MYOM3: variants seen among roughly 807,000 people sequenced by gnomAD.
The protein encoded by MYOM3 is myomesin 3.
In MYOM3, 155 loss-of-function variants were observed where a neutral mutation model predicts 191.7. The ratio of observed to expected loss-of-function variants is 0.81; its 90% CI spans 0.71 to 0.92. MYOM3 has a LOEUF of 0.92. Ranked by LOEUF, MYOM3 falls within the 40% of genes least tolerant of loss-of-function variation. The probability of loss-of-function intolerance (pLI) is 0.00; values close to 1 mark genes in which losing one functional copy is unlikely to be tolerated. For missense variants in MYOM3, 1,889 were observed against 1,890.6 expected (o/e 1.00, Z 0.02); for synonymous variants, 757 against 762.9 (o/e 0.99, Z 0.13).
At chr1:24,083,672 C>T (rs1643701114) in intron 16 of MYOM3, 1 of 152,372 alleles carries the variant, frequency 6.6e-6, no homozygotes. Context: ...AAGCTCTCCA[C>T]TGCTCTGCCC....
rs1358272546 is a variant in MYOM3 at position 24,097,979 on chromosome 1, A to T, written c.689T>A (p.Val230Glu). ...CTGGCCGTGGGCGTTCTTCACTCGCACAGTGTAAGTTGCTGAGTCCTCAAT... is the reference window on the plus strand; with the variant it reads ...CTGGCCGTGGGCGTTCTTCACTCGCTCAGTGTAAGTTGCTGAGTCCTCAAT... Reference protein sequence around the residue: ...CAIEDSATYTVRVKNAHGQAS... With the variant: ...CAIEDSATYTERVKNAHGQAS... The change falls in exon 7 of 37, where the codon GTG becomes GAG. Residue 230 changes from valine to glutamate, a missense_variant. Val to Glu is a moderately radical substitution (Grantham distance 121). Transcript: ENST00000374434. The T allele has an allele frequency of 1.2e-6, 2 of 1,613,932 alleles. No homozygotes were observed. Among genetic ancestry groups the T allele is most frequent in the East Asian group, 4.5e-5 (2 of 44,874 alleles).
In MYOM3 at chr1:24,111,490, C is replaced by T. The variant is rs766351399; in HGVS notation, c.-19+541G>A. ...CAGCTTCCGCGAGGCCGAATCCTGCCCTTGCCAGTCATGAGCTGAGGCAAC... is the reference window on the plus strand; with the variant it reads ...CAGCTTCCGCGAGGCCGAATCCTGCTCTTGCCAGTCATGAGCTGAGGCAAC... On this transcript the variant is annotated intron_variant, in intron 1 of 36. Transcript: ENST00000374434. The surrounding 1 kb of genome is among the most constrained non-coding windows in gnomAD (Gnocchi z 4.7). Among the ~76,000 whole-genome samples the T allele has an allele frequency of 2.6e-5, 4 of 152,226 alleles. No individual in the cohort carries two copies. Among genetic ancestry groups the T allele is most frequent in the Admixed American group, 6.5e-5 (1 of 15,286 alleles).
rs1643757252 is a variant in MYOM3, at chr1:24,086,918, G to T, written c.1615-91C>A. On this transcript the variant is annotated intron_variant, in intron 14 of 36. Coordinates refer to ENST00000374434, the MANE Select transcript of MYOM3 (RefSeq NM_152372.4). ...CCCATGATCTCTGTCCCCAGCCCGT[G>T]TGCTCTCATGATCCTCTATACTCAG... The T allele has an allele frequency of 1.0e-5, 14 of 1,353,710 alleles. No homozygotes were observed. In the South Asian group the frequency reaches 1.9e-4, roughly 18 times the overall value. 83.9% of individuals were successfully genotyped at this position (1,353,710 alleles called of 1,614,324 possible).
At position 24,076,280 on chromosome 1, in the gene MYOM3, G is replaced by A. The variant is rs1643598521; in HGVS notation, c.2587-7C>T. 1.9e-6 allele frequency: 3 copies of A among 1,610,008 alleles called. No homozygotes were observed. The highest frequency in any genetic ancestry group is 2.6e-6 in the Non-Finnish European group (3 of 1,176,398). On this transcript the variant is annotated splice_polypyrimidine_tract_variant and splice_region_variant and intron_variant, in intron 20 of 36. Coordinates refer to ENST00000374434, the MANE Select transcript of MYOM3 (RefSeq NM_152372.4). ...CTGGCTGCAAGTCGGAAACCTGGGGGCAGAGGGCAAGAGCCAGCACTGAGG... is the reference window on the plus strand; with the variant it reads ...CTGGCTGCAAGTCGGAAACCTGGGGACAGAGGGCAAGAGCCAGCACTGAGG...
chr1:24,079,644 C>T (rs955162647), intron 20 of MYOM3, among the ~76,000 whole-genome samples: 6 of 152,274 alleles, frequency 3.9e-5, no homozygotes, highest in East Asian at 1.9e-4. Flanking sequence ...CAGCTTGGGC[C>T]GTTACAAACA....
chr1:24,110,088 C>T (rs1054819319), intron 1 of MYOM3, among the ~76,000 whole-genome samples: 25 of 152,188 alleles, frequency 1.6e-4, no homozygotes, highest in African/African-American at 5.3e-4. Context: ...TTCTCATATC[C>T]GGGCTTCAGT....
rs765920079 is a variant in MYOM3 at position 24,080,165 on chromosome 1, C to T, written c.2437G>A (p.Val813Met). The change falls in exon 20 of 37, where the codon GTG becomes ATG. Residue 813 changes from valine to methionine, a missense_variant. By Grantham distance (21) the Val-to-Met change is conservative (BLOSUM62 1). Coordinates refer to ENST00000374434, the MANE Select transcript of MYOM3 (RefSeq NM_152372.4). ...GPPYDVRASE[V>M]RATSLVLQWE... ...TGCAGCACCAGGGATGTGGCCCGCA[C>T]CTCGGATGCCCGTACATCGTACGGG... 39 of 1,613,480 alleles carry T rather than the reference C, an allele frequency of 2.4e-5. 1 individual carries two copies. The highest frequency in any genetic ancestry group is 3.3e-4 in the Middle Eastern group (2 of 6,082).
chr1:24,067,354 TTC>T (rs370820378), intron 27 of MYOM3, among the ~76,000 whole-genome samples: 1 of 71,924 alleles, frequency 1.4e-5, no homozygotes, highest in Non-Finnish European at 2.8e-5. Flanking sequence ...CTTTCTTTCT[TTC>T]TTTCTTTCTT....
At chr1:24,106,145 C>T (rs1400171196) in intron 4 of MYOM3, 68 bp from the exon 5 acceptor site, 1 of 1,488,456 alleles carries the variant, frequency 6.7e-7, no homozygotes, top group Non-Finnish European at 9.0e-7. Flanking sequence ...TTGCCATTAC[C>T]TCCCCACTGA....
chr1:24,099,537 A>G, intron 6 of MYOM3, 143 bp downstream of exon 6: 1 of 640,004 alleles, frequency 1.6e-6, no homozygotes. Context: ...CTGTCCCAGG[A>G]ATCGGTATTT....
rs747222882 is a variant in MYOM3, at chr1:24,062,025, G to A, written c.3855C>T (p.Asp1285=). The A allele has an allele frequency of 6.2e-7, 1 of 1,614,196 alleles. No homozygotes were observed. Among genetic ancestry groups the A allele is most frequent in the Non-Finnish European group, 8.5e-7 (1 of 1,180,038 alleles). Residue 1285 remains aspartate (D), a synonymous_variant, in exon 33 of 37, where the codon GAC becomes GAT. Transcript: ENST00000374434. The part of the protein sequence containing the change: ...EIWLHILDPK[D]SDKGKYTLEI... ...CCAGAGTGTATTTGCCCTTGTCTGA[G>A]TCTTTGGGGTCCAGGATGTGAAGCC...
At chr1:24,095,594 G>T in intron 7 of MYOM3, 108 bp from the exon 8 acceptor site, 1 of 927,486 alleles carries the variant, frequency 1.1e-6, no homozygotes, top group Non-Finnish European at 1.6e-6. Context: ...GTCTGTTGGT[G>T]GCTTCCCCTT....
Position 24,062,234 on chromosome 1 carries a change from A to G in MYOM3, c.3771-125T>C. 3.2e-6 allele frequency: 3 copies of G among 937,836 alleles called. No individual in the cohort carries two copies. The South Asian group carries it at 4.7e-5, about 15-fold the overall frequency. 58.1% of individuals were successfully genotyped at this position (937,836 alleles called of 1,614,324 possible). A position where few individuals can be genotyped will look rare whatever the true frequency, so the allele number is the denominator to read the frequency against. ...GGGCTATGGGTGGTGACTATGAGGC[A>G]CCAGATAAATATCCATTCACTTACT... On this transcript the variant is annotated intron_variant, in intron 32 of 36. Transcript: ENST00000374434.
At chr1:24,091,972 T>A (rs1477727579) in intron 11 of MYOM3, among the ~76,000 whole-genome samples, 1 of 152,178 alleles carries the variant, frequency 6.6e-6, no homozygotes, top group Non-Finnish European at 1.5e-5. Context: ...ATTCCAGTTA[T>A]CAGCATGACA....
intron 29 of MYOM3, 67 bp from the exon 30 acceptor site, chr1:24,064,226 C>T (rs547308561): frequency 2.4e-5 from 32 of 1,339,150 alleles, no homozygotes; most frequent in African/African-American, 4.3e-5. Context: ...ATACCAAATC[C>T]GGAGGCCTGG....
At chr1:24,095,576 G>C (rs1643874623) in intron 7 of MYOM3, 90 bp from the exon 8 acceptor site, 1 of 1,172,624 alleles carries the variant, frequency 8.5e-7, no homozygotes, top group Admixed American at 2.1e-5. Context: ...ATATGAGTTT[G>C]AGTCCTGGTC....
At chr1:24,100,119 T>C (rs1570885145) in intron 5 of MYOM3, among the ~76,000 whole-genome samples, 1 of 152,258 alleles carries the variant, frequency 6.6e-6, no homozygotes, top group East Asian at 1.9e-4. Flanking sequence ...TCCGCCCGCC[T>C]CAGCCTCCTA....
At chr1:24,099,820 G>T (rs760325885) in intron 5 of MYOM3, 45 bp from the exon 6 acceptor site, 1 of 1,451,360 alleles carries the variant, frequency 6.9e-7, no homozygotes, top group African/African-American at 1.4e-5. Flanking sequence ...GGTTCTAAGC[G>T]GGAGGGGTCT....
intron 25 of MYOM3, among the ~76,000 whole-genome samples, chr1:24,069,398 C>T (rs1046014601): frequency 3.9e-5 from 6 of 152,190 alleles, no homozygotes; most frequent in African/African-American, 1.4e-4. Flanking sequence ...GCTGGGACAA[C>T]CAGCCCCATT....
Sources: allele counts gnomAD v4.1 joint callset (sites outside exome capture counted in the v4.1 genomes callset), GRCh38; gene constraint gnomAD v4.1.1; non-coding constraint Gnocchi (gnomAD v3.1); transcripts MANE v1.5; gene names NCBI Gene and HGNC (gene_info 2026-07-23, HGNC 2026-07-21).